Variants in HPSE2 observed in about 807,000 individuals in gnomAD.
The protein encoded by HPSE2 is heparanase 2 (inactive).
HPSE2 carries 38 observed loss-of-function variants against 60.5 expected under a neutral mutation model. The observed-to-expected ratio is 0.63, with a 90% confidence interval of 0.48 to 0.82. HPSE2 has a LOEUF of 0.82. Among genes scored for constraint, HPSE2 ranks in the 40% least tolerant of loss-of-function variants. The pLI is 0.00. For synonymous variants in HPSE2, 295 were observed against 293.2 expected (o/e 1.01, Z -0.06); for missense variants, 713 against 740.4 (o/e 0.96, Z 0.43).
the HPSE2 span, among the ~76,000 whole-genome samples, chr10:99,270,274 T>A: frequency 6.6e-6 from 1 of 152,060 alleles, no homozygotes; most frequent in Non-Finnish European, 1.5e-5. Flanking sequence ...ATAAGCTCGA[T>A]TAGAAATGAA....
At chr10:99,142,947 TACAC>T (rs942366801) in intron 3 of HPSE2, among the ~76,000 whole-genome samples, 17 of 151,650 alleles carry the variant, frequency 1.1e-4, no homozygotes, top group African/African-American at 3.9e-4. Flanking sequence ...TGGAAAATAT[TACAC>T]ACACACACGC....
intron 9 of HPSE2, among the ~76,000 whole-genome samples, chr10:98,612,023 AC>A (rs1247471642): frequency 6.6e-6 from 1 of 152,218 alleles, no homozygotes; most frequent in Non-Finnish European, 1.5e-5. Flanking sequence ...AGCCATGAGG[AC>A]TGACATCCTT....
At chr10:99,270,446 T>C in the HPSE2 span, among the ~76,000 whole-genome samples, 27 of 152,076 alleles carry the variant, frequency 1.8e-4, no homozygotes, top group East Asian at 4.5e-3. Flanking sequence ...TAGGAAGAAA[T>C]AGATACTCTG....
At chr10:99,313,543 C>T in the HPSE2 span, among the ~76,000 whole-genome samples, 1 of 146,390 alleles carries the variant, frequency 6.8e-6, no homozygotes, top group Admixed American at 6.8e-5. Flanking sequence ...TAGAATATTC[C>T]ATAAACTTAG....
intron 3 of HPSE2, among the ~76,000 whole-genome samples, chr10:98,913,800 AAGC>A (rs1255182306): frequency 6.6e-6 from 1 of 152,220 alleles, no homozygotes; most frequent in Admixed American, 6.5e-5. Flanking sequence ...AAAAATTTAA[AAGC>A]AGATTTCTTG....
intron 2 of HPSE2, among the ~76,000 whole-genome samples, chr10:99,186,542 C>CAAAA (rs60186369): frequency 0.013 from 776 of 59,484 alleles, 73 homozygotes; most frequent in East Asian, 0.025. Flanking sequence ...GACTCCATCT[C>CAAAA]AAAAAAAAAA....
At chr10:98,598,279 G>A (rs925434144) in intron 9 of HPSE2, among the ~76,000 whole-genome samples, 1 of 152,170 alleles carries the variant, frequency 6.6e-6, no homozygotes, top group African/African-American at 2.4e-5. Context: ...GTCCATAGAT[G>A]GGCTTGCTGC....
intron 3 of HPSE2, among the ~76,000 whole-genome samples, chr10:98,803,221 G>A (rs1950959654): frequency 6.7e-6 from 1 of 150,310 alleles, no homozygotes; most frequent in Non-Finnish European, 1.5e-5. Flanking sequence ...CTGGATATTA[G>A]CCCTTTGTCA....
intron 9 of HPSE2, among the ~76,000 whole-genome samples, chr10:98,518,221 T>C (rs527298186): frequency 1.3e-5 from 2 of 152,282 alleles, no homozygotes; most frequent in East Asian, 3.9e-4. Flanking sequence ...TGTCCACCCA[T>C]GGGTGAGAGG....
intron 9 of HPSE2, among the ~76,000 whole-genome samples, chr10:98,501,590 A>G (rs1942030903): frequency 6.6e-6 from 1 of 152,242 alleles, no homozygotes; most frequent in Non-Finnish European, 1.5e-5. Context: ...CACAGCCAAC[A>G]TAATACTGAA....
intron 3 of HPSE2, among the ~76,000 whole-genome samples, chr10:98,852,244 T>C (rs1008066213): frequency 6.6e-6 from 1 of 150,990 alleles, no homozygotes; most frequent in Non-Finnish European, 1.5e-5. Flanking sequence ...GCACTTTAGG[T>C]CTCAGAAAAC....
At position 98,575,326 on chromosome 10, in the gene HPSE2, C is replaced by T. The variant is rs536886472; in HGVS notation, c.1320+39578G>A. On this transcript the variant is annotated intron_variant, in intron 9 of 11. Coordinates refer to ENST00000370552, the MANE Select transcript of HPSE2 (RefSeq NM_021828.5). The stretch of plus-strand genomic sequence containing the variant: ...CAGGGTACCCATTTTCCACACAGCA[C>T]CACATGGCCGTGATGATAAATGATG... 3.3e-5 allele frequency among the ~76,000 whole-genome samples: 5 copies of T among 152,130 alleles called. No individual in the cohort carries two copies. In the South Asian group the frequency reaches 6.2e-4, roughly 19 times the overall value.
intron 3 of HPSE2, among the ~76,000 whole-genome samples, chr10:98,880,229 C>T (rs1952986204): frequency 6.6e-6 from 1 of 151,978 alleles, no homozygotes; most frequent in Non-Finnish European, 1.5e-5. Flanking sequence ...ATCCCCAACT[C>T]AAAAAGTACA....
At chr10:98,624,173 T>A (rs114139308) in intron 7 of HPSE2, among the ~76,000 whole-genome samples, 2,343 of 144,248 alleles carry the variant, frequency 0.016, 74 homozygotes, top group African/African-American at 0.054. Context: ...AGAATAATAA[T>A]AAACAAGTAA....
intron 5 of HPSE2, among the ~76,000 whole-genome samples, chr10:98,715,197 C>G (rs1204185584): frequency 6.6e-6 from 1 of 151,740 alleles, no homozygotes; most frequent in Non-Finnish European, 1.5e-5. Flanking sequence ...TGGTAAAGTC[C>G]AATTTATCAT....
intron 5 of HPSE2, among the ~76,000 whole-genome samples, chr10:98,699,409 G>C (rs1322761025): frequency 1.9e-5 from 2 of 106,492 alleles, no homozygotes; most frequent in African/African-American, 5.7e-5. Flanking sequence ...TTTCTCAATA[G>C]ATGCAGAAAA....
rs113819088 is a variant in HPSE2 at position 99,186,489 on chromosome 10, G to T, written c.449-42090C>A. On this transcript the variant is annotated intron_variant, in intron 2 of 11. Coordinates refer to ENST00000370552, the MANE Select transcript of HPSE2 (RefSeq NM_021828.5). ...ACCCGAGAGGCGGAGGTTACAGTGA[G>T]CCAAGATTACGCCAGTGTACTCCAG... 6.2e-3 allele frequency among the ~76,000 whole-genome samples: 767 copies of T among 123,180 alleles called. 12 individuals are homozygous for T. In the East Asian group the frequency reaches 0.1, roughly 16 times the overall value. The allele number at this position is 123,180 out of a possible 152,430, so 80.8% of individuals were successfully genotyped here. A position where few individuals can be genotyped will look rare whatever the true frequency, so the allele number is the denominator to read the frequency against.
At chr10:98,815,310 A>G (rs915395995) in intron 3 of HPSE2, among the ~76,000 whole-genome samples, 1 of 152,172 alleles carries the variant, frequency 6.6e-6, no homozygotes, top group Non-Finnish European at 1.5e-5. Context: ...GGCATCATAT[A>G]GTTGTCAAGA....
intron 3 of HPSE2, among the ~76,000 whole-genome samples, chr10:98,886,266 G>A (rs1953162440): frequency 1.3e-5 from 2 of 151,982 alleles, no homozygotes; most frequent in African/African-American, 4.8e-5. Context: ...TTCATATATT[G>A]TAGCTATATT....
Sources: allele counts gnomAD v4.1 joint callset (sites outside exome capture counted in the v4.1 genomes callset), GRCh38; gene constraint gnomAD v4.1.1; transcripts MANE v1.5; gene names NCBI Gene and HGNC (gene_info 2026-07-23, HGNC 2026-07-21).